LARS1: variants seen among roughly 807,000 people sequenced by gnomAD.
LARS1 encodes the protein leucine--tRNA ligase, cytoplasmic.
A neutral mutation model predicts 162.8 loss-of-function variants in LARS1; 100 were observed. That is an observed-to-expected ratio of 0.61 (90% CI 0.52 to 0.73). LARS1 has a LOEUF of 0.73. Ranked by LOEUF, LARS1 falls within the 30% of genes least tolerant of loss-of-function variation. LARS1 has a pLI of 0.00. For missense variants in LARS1, 1,258 were observed against 1,408.9 expected, an observed-to-expected ratio of 0.89 and a Z score of 1.71; for synonymous variants, 457 against 462.8, an observed-to-expected ratio of 0.99 and a Z score of 0.16.
At chr5:146,167,180 C>T (rs149175113) in intron 5 of LARS1, among the ~76,000 whole-genome samples, 158 of 152,224 alleles carry the variant, frequency 1.0e-3, no homozygotes, top group African/African-American at 3.4e-3. Flanking sequence ...AATGTGGGAT[C>T]CTGGATTGGA....
intron 22 of LARS1, among the ~76,000 whole-genome samples, chr5:146,133,823 C>T (rs1752395283): frequency 6.6e-6 from 1 of 151,942 alleles, no homozygotes; most frequent in African/African-American, 2.4e-5. Flanking sequence ...GTATACTAAC[C>T]CATACATACA....
chr5:146,132,751 C>A (rs1194389556), intron 23 of LARS1, 147 bp downstream of exon 23: 2 of 601,320 alleles, frequency 3.3e-6, no homozygotes, highest in Non-Finnish European at 5.5e-6. Context: ...TAGTACCCGG[C>A]ACAAGTAAGC....
In LARS1 at chr5:146,143,058, C is replaced by A. The variant is rs1187961932; in HGVS notation, c.1904G>T (p.Trp635Leu). Residue 635 changes from tryptophan (W) to leucine (L), a missense_variant, in exon 20 of 32, where the codon TGG becomes TTG. Trp to Leu is a moderately conservative substitution (Grantham distance 61, BLOSUM62 -2). Transcript: ENST00000394434. ...IRPQQMTKEVWDYVFFKEAPF... is the reference protein window; with the variant it reads ...IRPQQMTKEVLDYVFFKEAPF... ...AGCCTCCTTGAAGAAAACATAATCC[C>A]AAACTTCCTTGGTCATCTGTTGCGG... is the stretch of plus-strand genomic sequence containing the variant. 6.2e-7 allele frequency: 1 copy of A among 1,613,242 alleles called. No homozygotes were observed. The highest frequency in any genetic ancestry group is 8.5e-7 in the Non-Finnish European group (1 of 1,179,514).
Position 146,164,449 on chromosome 5 carries a change from C to T in LARS1, c.455G>A (p.Gly152Glu). 6.2e-7 allele frequency: 1 copy of T among 1,613,972 alleles called. No individual in the cohort carries two copies. Residue 152 changes from glycine to glutamate, a missense_variant, in exon 6 of 32, where the codon GGA becomes GAA. Physicochemically the swap from Gly to Glu is moderately conservative, Grantham distance 98. Coordinates refer to ENST00000394434, the MANE Select transcript of LARS1 (RefSeq NM_020117.11). ...GKKSKAAAKAGSSKYQWGIMK... is the reference protein window; with the variant it reads ...GKKSKAAAKAESSKYQWGIMK... ...AATGCCCCACTGGTATTTAGAAGAT[C>T]CAGCTTTAGCAGCAGCTTTACTCTG... is the stretch of plus-strand genomic sequence containing the variant.
chr5:146,136,757 G>A (rs534598203), intron 21 of LARS1, among the ~76,000 whole-genome samples: 4 of 152,094 alleles, frequency 2.6e-5, no homozygotes, highest in South Asian at 2.1e-4. Context: ...TGCAATTAAC[G>A]GGCGTGAGCC....
chr5:146,165,148 A>G (rs1300183575), intron 5 of LARS1, among the ~76,000 whole-genome samples: 1 of 152,136 alleles, frequency 6.6e-6, no homozygotes, highest in Non-Finnish European at 1.5e-5. Context: ...AGCCTGGCCA[A>G]TGTGGTGAAA....
In LARS1 at chr5:146,114,253, A is replaced by C. The variant is rs1337611869; in HGVS notation, c.3384T>G (p.Val1128=). ...FDDPLLGPRR[V]PVLGKEYTEK... is the part of the protein sequence containing the mutation. ...CGGTGTACTCCTTTCCCAGGACAGG[A>C]ACTCGTCGAGGCCCCAACAGTGGAT... is the stretch of plus-strand genomic sequence containing the variant. Residue 1128 remains valine, a synonymous_variant, in exon 32 of 32, where the codon GTT becomes GTG. Transcript: ENST00000394434. The C allele has an allele frequency of 2.5e-6, 4 of 1,613,898 alleles. No homozygotes were observed. Among genetic ancestry groups the C allele is most frequent in the Non-Finnish European group, 3.4e-6 (4 of 1,180,010 alleles).
intron 1 of LARS1, among the ~76,000 whole-genome samples, chr5:146,177,943 C>T (rs1651407786): frequency 6.6e-6 from 1 of 151,660 alleles, no homozygotes; most frequent in Non-Finnish European, 1.5e-5. Context: ...TACTAAAATA[C>T]AAAAATTAGC....
In LARS1 at chr5:146,129,039, A is replaced by C. The variant is rs1200427004; in HGVS notation, c.2708T>G (p.Met903Arg). Residue 903 changes from methionine to arginine, a missense_variant, in exon 26 of 32, where the codon ATG (methionine) becomes AGG (arginine). By Grantham distance (91) the Met-to-Arg change is moderately conservative (BLOSUM62 -1). Transcript: ENST00000394434. ...TAGTCTAAGGTCATGTGTTACTTCC[A>C]TAAGATACTGTGAGGAGTGTATTAA... ...EVLIHSSQYL[M>R]EVTHDLRLRL... The C allele has an allele frequency of 6.2e-7, 1 of 1,611,936 alleles. No individual in the cohort carries two copies. Among genetic ancestry groups the C allele is most frequent in the Non-Finnish European group, 8.5e-7 (1 of 1,178,416 alleles).
intron 2 of LARS1, among the ~76,000 whole-genome samples, chr5:146,174,144 TAAAAAAAA>T (rs66479730): frequency 7.9e-5 from 7 of 89,136 alleles, no homozygotes; most frequent in South Asian, 4.7e-4. Flanking sequence ...CTTTTTCTCT[TAAAAAAAA>T]AAAAAAAAAA....
chr5:146,168,205 C>T lies in LARS1; in HGVS notation c.355G>A (p.Asp119Asn), dbSNP rs1754103571. 1 of 1,613,430 alleles carries T rather than the reference C, an allele frequency of 6.2e-7. No individual in the cohort carries two copies. The highest frequency in any genetic ancestry group is 8.5e-7 in the Non-Finnish European group (1 of 1,179,532). The change falls in exon 5 of 32, where the codon GAT (aspartate) becomes AAT (asparagine). Residue 119 changes from aspartate to asparagine, a missense_variant. Transcript: ENST00000394434. The part of the protein sequence containing the change: ...ELYGCPPDFP[D>N]EEEEEEETSV... ...GTTTCTTCCTCTTCCTCTTCTTCAT[C>T]TGGAAAATCAGGGGGGCAACCATAC...
intron 31 of LARS1, among the ~76,000 whole-genome samples, chr5:146,115,319 G>A (rs952613941): frequency 6.6e-6 from 1 of 151,888 alleles, no homozygotes; most frequent in Admixed American, 6.6e-5. Context: ...CACTAAACTT[G>A]CAAGAATTGT....
At chr5:146,119,073 C>T (rs1297730360) in intron 31 of LARS1, among the ~76,000 whole-genome samples, 1 of 152,126 alleles carries the variant, frequency 6.6e-6, no homozygotes, top group African/African-American at 2.4e-5. Context: ...AGTCCCTGAT[C>T]CCTGCAAGTG....
rs761804848 is a variant in LARS1, at chr5:146,142,906, G to T, written c.2056C>A (p.Leu686Ile). ...DLVPNHLSYY[L>I]YNHVAMWPEQ... The stretch of plus-strand genomic sequence containing the variant: ...GGCCACATAGCCACATGATTATAAA[G>T]GTAATATGAAAGATGATTTGGAACA... Residue 686 changes from leucine to isoleucine, a missense_variant, in exon 20 of 32, where the codon CTT becomes ATT. Leu to Ile is a conservative substitution (Grantham distance 5). Transcript: ENST00000394434. 2 of 1,613,810 alleles carry T rather than the reference G, an allele frequency of 1.2e-6. No individual in the cohort carries two copies.
At position 146,166,571 on chromosome 5, in the gene LARS1, T is replaced by C. The variant is rs75207674; in HGVS notation, c.432+1557A>G. ...CAAAAAGCTCAATGGTATTGGCTTATAACCTGAAGAATAAAGTGAATATCC... is the reference window on the plus strand; with the variant it reads ...CAAAAAGCTCAATGGTATTGGCTTACAACCTGAAGAATAAAGTGAATATCC... On this transcript the variant is annotated intron_variant, in intron 5 of 31. Coordinates refer to ENST00000394434, the MANE Select transcript of LARS1 (RefSeq NM_020117.11). Among the ~76,000 whole-genome samples, 17 of 152,282 alleles carry C rather than the reference T, an allele frequency of 1.1e-4. 1 individual carries two copies. In the East Asian group the frequency reaches 2.9e-3, roughly 26 times the overall value.
At chr5:146,135,744 T>C in intron 21 of LARS1, 80 bp from the exon 22 acceptor site, 3 of 971,422 alleles carry the variant, frequency 3.1e-6, no homozygotes, top group Non-Finnish European at 4.6e-6. Flanking sequence ...TTAACTAGGT[T>C]GGCCATGACC....
intron 23 of LARS1, chr5:146,131,623 TAGGACTAC>T (rs1265054258): frequency 1.3e-5 from 2 of 150,868 alleles, no homozygotes; most frequent in Non-Finnish European, 2.9e-5. Context: ...TCCCAAGTAC[TAGGACTAC>T]AGGCGCAAGC....
chr5:146,154,978 T>C (rs1373404853), intron 10 of LARS1, among the ~76,000 whole-genome samples: 5 of 151,558 alleles, frequency 3.3e-5, no homozygotes, highest in Admixed American at 1.3e-4. Flanking sequence ...CAGCCTCCCA[T>C]GTAGCTGGGA....
chr5:146,151,730 T>C (rs1200180979), intron 14 of LARS1, 132 bp downstream of exon 14: 5 of 816,590 alleles, frequency 6.1e-6, no homozygotes, highest in Non-Finnish European at 7.6e-6. Context: ...GGAAATAGAA[T>C]ACATTCTCAT....
Sources: allele counts gnomAD v4.1 joint callset (sites outside exome capture counted in the v4.1 genomes callset), GRCh38; gene constraint gnomAD v4.1.1; transcripts MANE v1.5; gene names NCBI Gene and HGNC (gene_info 2026-07-23, HGNC 2026-07-21).